Variants in CNTNAP2 observed in about 807,000 individuals in gnomAD.
The protein encoded by CNTNAP2 is contactin-associated protein-like 2.
Under a neutral mutation model 155.2 loss-of-function variants are expected in CNTNAP2, and 98 were observed. The ratio of observed to expected loss-of-function variants is 0.63; its 90% CI spans 0.54 to 0.75. The LOEUF is 0.75. CNTNAP2 is among the 30% of genes least tolerant of loss of function. CNTNAP2 has a pLI of 0.00. For synonymous variants in CNTNAP2, 651 were observed against 631.2 expected (o/e 1.03, Z -0.47); for missense variants, 1,727 against 1,688.1 (o/e 1.02, Z -0.40).
intron 14 of CNTNAP2, among the ~76,000 whole-genome samples, chr7:147,969,188 G>A (rs13237465): frequency 4.6e-5 from 7 of 151,842 alleles, no homozygotes; most frequent in Non-Finnish European, 1.0e-4. Flanking sequence ...TAGCTGGGAC[G>A]ACAGGCATGT....
Position 147,901,023 on chromosome 7 carries a change from A to C in CNTNAP2, c.2099-2542A>C, listed in dbSNP as rs943906503. Among the ~76,000 whole-genome samples, 4 of 152,072 alleles carry C rather than the reference A, an allele frequency of 2.6e-5. 1 individual carries two copies. In the East Asian group the frequency reaches 7.7e-4, roughly 29 times the overall value. On this transcript the variant is annotated intron_variant, in intron 13 of 23. Coordinates refer to ENST00000361727, the MANE Select transcript of CNTNAP2 (RefSeq NM_014141.6). ...TCTTCCTTCCCTGTGCCCTACCTTC[A>C]TGGAGCATAGTACCATCCCCATTCA... is the stretch of plus-strand genomic sequence containing the variant.
intron 2 of CNTNAP2, among the ~76,000 whole-genome samples, chr7:146,828,183 A>G (rs1039721826): frequency 3.9e-5 from 6 of 152,204 alleles, no homozygotes; most frequent in African/African-American, 1.4e-4. Context: ...TTTATAGTAA[A>G]TAAGGAAATG....
intron 21 of CNTNAP2, among the ~76,000 whole-genome samples, chr7:148,310,526 A>G (rs1464297221): frequency 6.6e-6 from 1 of 152,228 alleles, no homozygotes; most frequent in African/African-American, 2.4e-5. Context: ...GTAGAGGCAG[A>G]AAGTCCTAAA....
At chr7:147,345,076 G>A (rs1278573553) in intron 9 of CNTNAP2, among the ~76,000 whole-genome samples, 1 of 152,034 alleles carries the variant, frequency 6.6e-6, no homozygotes, top group Non-Finnish European at 1.5e-5. Context: ...TAAAATTTAA[G>A]TATGTGCCAT....
intron 8 of CNTNAP2, among the ~76,000 whole-genome samples, chr7:147,137,429 A>G (rs1410118050): frequency 6.6e-6 from 1 of 151,698 alleles, no homozygotes; most frequent in Admixed American, 6.6e-5. Flanking sequence ...ACTTTTTAAT[A>G]TATTTTCTCT....
chr7:147,241,303 T>C (rs1471418519), intron 8 of CNTNAP2, among the ~76,000 whole-genome samples: 1 of 152,176 alleles, frequency 6.6e-6, no homozygotes, highest in African/African-American at 2.4e-5. Context: ...TGGTCCTAGA[T>C]ACAAGCTCTA....
chr7:146,948,997 C>G (rs1191677689), intron 3 of CNTNAP2, among the ~76,000 whole-genome samples: 1 of 152,104 alleles, frequency 6.6e-6, no homozygotes, highest in East Asian at 1.9e-4. Context: ...TATAGCCAGT[C>G]ATGCTTAACT....
Position 146,774,252 on chromosome 7 carries a change from C to G in CNTNAP2, c.98-19C>G, listed in dbSNP as rs1260272563. Reference sequence around the variant, plus strand: ...ATCGTTGTTGAGTGTCTCTCTCCCTCTCTGTCTTTTGTTTTCAGAAAAATG... The same window carrying G: ...ATCGTTGTTGAGTGTCTCTCTCCCTGTCTGTCTTTTGTTTTCAGAAAAATG... On this transcript the variant is annotated intron_variant, in intron 1 of 23. Coordinates refer to ENST00000361727, the MANE Select transcript of CNTNAP2 (RefSeq NM_014141.6). The G allele has an allele frequency of 6.3e-7, 1 of 1,588,740 alleles. No homozygotes were observed. The highest frequency in any genetic ancestry group is 1.7e-5 in the Admixed American group (1 of 59,868).
At chr7:147,164,788 G>T (rs972504407) in intron 8 of CNTNAP2, among the ~76,000 whole-genome samples, 1 of 152,148 alleles carries the variant, frequency 6.6e-6, no homozygotes, top group African/African-American at 2.4e-5. Flanking sequence ...GGCTACAATT[G>T]TCCCCTCTGT....
At chr7:148,409,034 G>A (rs995197813) in intron 22 of CNTNAP2, among the ~76,000 whole-genome samples, 1 of 152,178 alleles carries the variant, frequency 6.6e-6, no homozygotes, top group African/African-American at 2.4e-5. Flanking sequence ...TTGTGCATGG[G>A]GTTAAAAGTG....
At chr7:147,985,115 A>AAAATAAATAAAT (rs111265967) in intron 15 of CNTNAP2, among the ~76,000 whole-genome samples, 35 of 145,590 alleles carry the variant, frequency 2.4e-4, no homozygotes, top group African/African-American at 5.6e-4. Context: ...ACTCTGTCAA[A>AAAATAAATAAAT]AAATAAATAA....
chr7:146,717,470 C>T (rs372853569), intron 1 of CNTNAP2, among the ~76,000 whole-genome samples: 16 of 151,764 alleles, frequency 1.1e-4, no homozygotes, highest in South Asian at 2.1e-4. Context: ...GCCAAGATCA[C>T]GCCACTGCAC....
At chr7:147,927,505 T>C (rs968181245) in intron 14 of CNTNAP2, among the ~76,000 whole-genome samples, 1 of 152,220 alleles carries the variant, frequency 6.6e-6, no homozygotes, top group Non-Finnish European at 1.5e-5. Flanking sequence ...TCCGTAAATA[T>C]ATACATCTAC....
intron 1 of CNTNAP2, among the ~76,000 whole-genome samples, chr7:146,509,757 G>C (rs1442298761): frequency 1.3e-5 from 2 of 152,082 alleles, no homozygotes; most frequent in Non-Finnish European, 2.9e-5. Flanking sequence ...TACCTGTGCT[G>C]CATCCTGCAG....
At chr7:148,249,370 T>C (rs1796327645) in intron 20 of CNTNAP2, among the ~76,000 whole-genome samples, 1 of 152,224 alleles carries the variant, frequency 6.6e-6, no homozygotes, top group Admixed American at 6.5e-5. Flanking sequence ...CCTTTTGCTC[T>C]GTCTCCTTCA....
At chr7:148,002,607 C>A (rs1205331207) in intron 15 of CNTNAP2, among the ~76,000 whole-genome samples, 1 of 152,084 alleles carries the variant, frequency 6.6e-6, no homozygotes, top group Non-Finnish European at 1.5e-5. Flanking sequence ...TTAGATGACA[C>A]ATTTAATTTT....
chr7:147,116,408 A>G (rs1800990271), intron 5 of CNTNAP2, among the ~76,000 whole-genome samples: 1 of 152,212 alleles, frequency 6.6e-6, no homozygotes, highest in Non-Finnish European at 1.5e-5. Flanking sequence ...TCCAAGGCCC[A>G]CAGGCTGGAC....
chr7:146,377,478 C>T (rs969146959), intron 1 of CNTNAP2, among the ~76,000 whole-genome samples: 1 of 152,102 alleles, frequency 6.6e-6, no homozygotes, highest in African/African-American at 2.4e-5. Flanking sequence ...ATCTCTGACC[C>T]TGATGGCTCC....
intron 2 of CNTNAP2, among the ~76,000 whole-genome samples, chr7:146,790,896 G>A (rs937897744): frequency 2.0e-5 from 3 of 151,812 alleles, no homozygotes; most frequent in Non-Finnish European, 4.4e-5. Flanking sequence ...CTATGCAGGG[G>A]CCTGGAGACA....
Sources: allele counts gnomAD v4.1 joint callset (sites outside exome capture counted in the v4.1 genomes callset), GRCh38; gene constraint gnomAD v4.1.1; transcripts MANE v1.5; gene names NCBI Gene and HGNC (gene_info 2026-07-23, HGNC 2026-07-21).